LAMC3: variants seen among roughly 807,000 people sequenced by gnomAD.
The protein encoded by LAMC3 is laminin subunit gamma-3.
A neutral mutation model predicts 173.8 loss-of-function variants in LAMC3; 128 were observed. That is an observed-to-expected ratio of 0.74 (90% CI 0.64 to 0.85). The LOEUF (loss-of-function observed/expected upper bound fraction) is 0.85, where lower values mean the gene tolerates loss of function less well. Among genes scored for constraint, LAMC3 ranks in the 40% least tolerant of loss-of-function variants. The pLI, the probability that LAMC3 is intolerant of heterozygous loss-of-function variation, is 0.00. For synonymous variants in LAMC3, 897 were observed against 909.1 expected (o/e 0.99, Z 0.24); for missense variants, 2,022 against 2,156.0 (o/e 0.94, Z 1.23).
chr9:131,010,152 CAAAAAAA>C (rs35239233), intron 1 of LAMC3, among the ~76,000 whole-genome samples: 3 of 39,608 alleles, frequency 7.6e-5, no homozygotes, highest in Middle Eastern at 0.013. Flanking sequence ...AACTCCGTCT[CAAAAAAA>C]AAAAAAAAAA....
At chr9:131,013,368 A>C (rs1833458803) in intron 1 of LAMC3, among the ~76,000 whole-genome samples, 1 of 151,918 alleles carries the variant, frequency 6.6e-6, no homozygotes, top group South Asian at 2.1e-4. Context: ...ATCGCTGAGA[A>C]TCTCCTGGAA....
intron 25 of LAMC3, among the ~76,000 whole-genome samples, chr9:131,086,217 TA>T: frequency 6.6e-6 from 1 of 151,974 alleles, no homozygotes; most frequent in East Asian, 1.9e-4. Flanking sequence ...TGGCTGGGAT[TA>T]TAGGCGTGCT....
rs912492078 is a variant in LAMC3, at chr9:131,070,713, A to G, written c.3070-771A>G. On this transcript the variant is annotated intron_variant, in intron 17 of 27. Transcript: ENST00000361069. ...TGGGTGACAGAGCAAGACTCTGTCT[A>G]AAAAAAAAAAGATGCATGCTGTGCT... is the stretch of plus-strand genomic sequence containing the variant. Among the ~76,000 whole-genome samples, 15 of 146,176 alleles carry G rather than the reference A, an allele frequency of 1.0e-4. 1 individual carries two copies. Among genetic ancestry groups the G allele is most frequent in the Admixed American group, 8.9e-4 (13 of 14,564 alleles).
intron 10 of LAMC3, 49 bp from the exon 11 acceptor site, chr9:131,052,801 A>AC (rs761415180): frequency 3.5e-5 from 26 of 747,738 alleles, no homozygotes; most frequent in Middle Eastern, 2.5e-4. Context: ...CAGGCATGGT[A>AC]CCCCCCCACC....
Position 131,069,773 on chromosome 9 carries a change from C to G in LAMC3, c.2992C>G (p.His998Asp), listed in dbSNP as rs1830008802. 1 of 1,595,960 alleles carries G rather than the reference C, an allele frequency of 6.3e-7. No individual in the cohort carries two copies. The highest frequency in any genetic ancestry group is 8.5e-7 in the Non-Finnish European group (1 of 1,171,564). Residue 998 changes from histidine (H) to aspartate (D), a missense_variant, in exon 17 of 28, where the codon CAC (histidine) becomes GAC (aspartate). Physicochemically the swap from His to Asp is moderately conservative, Grantham distance 81 (BLOSUM62 -1). Transcript: ENST00000361069. ...CGAGGGCTACAAATGTGACCGCTGC[C>G]ACGACAACTTCTTCCTCACGGCAGA... is the stretch of plus-strand genomic sequence containing the variant. ...GFEGYKCDRC[H>D]DNFFLTADGT...
rs558408142 is a variant in LAMC3, at chr9:131,030,987, A to G, written c.679-1058A>G. ...ATCCAGGCCTGCAAACTCAAGCACA[A>G]GCTTAGCTTGGTGCAGAGGCTCCCA... On this transcript the variant is annotated intron_variant, in intron 2 of 27. Coordinates refer to ENST00000361069, the MANE Select transcript of LAMC3 (RefSeq NM_006059.4). 4.6e-5 allele frequency among the ~76,000 whole-genome samples: 7 copies of G among 152,346 alleles called. No homozygotes were observed. The East Asian group carries it at 1.4e-3, about 29-fold the overall frequency.
rs1311114686 is a variant in LAMC3, at chr9:131,024,085, C to G, written c.374-2200C>G. Among the ~76,000 whole-genome samples the G allele has an allele frequency of 2.0e-5, 3 of 150,112 alleles. No homozygotes were observed. In the South Asian group the frequency reaches 6.3e-4, roughly 31 times the overall value. ...GCTTTTCGTGTCATTTCTAAGAAGG[C>G]TCTTCTAGTGCAAAGTCCCAAATAT... On this transcript the variant is annotated intron_variant, in intron 1 of 27. Transcript: ENST00000361069.
chr9:131,034,939 ATTAT>A (rs61062373), intron 3 of LAMC3, among the ~76,000 whole-genome samples: 25 of 150,572 alleles, frequency 1.7e-4, no homozygotes, highest in Non-Finnish European at 3.0e-4. Flanking sequence ...ACCTGAGATG[ATTAT>A]TTATTTATTT....
chr9:131,046,516 G>GTTTTGTTTTTTTTTTTTTTTT (rs1443313320), intron 8 of LAMC3, among the ~76,000 whole-genome samples: 1 of 38,756 alleles, frequency 2.6e-5, no homozygotes, highest in Non-Finnish European at 5.5e-5. Context: ...GCTAATTTTT[G>GTTTTGTTTTTTTTTTTTTTTT]TATTTTTTTT....
chr9:131,039,356 C>T, intron 6 of LAMC3, 108 bp downstream of exon 6: 2 of 900,346 alleles, frequency 2.2e-6, no homozygotes, highest in African/African-American at 3.2e-5. Flanking sequence ...CTGTCTGCAG[C>T]TACCTCGCCC....
intron 20 of LAMC3, among the ~76,000 whole-genome samples, 197 bp downstream of exon 20, chr9:131,073,518 G>A (rs370569427): frequency 3.2e-4 from 48 of 152,322 alleles, no homozygotes; most frequent in African/African-American, 9.6e-4. Flanking sequence ...GCAAAGCTTG[G>A]TGGACTGAAG....
At position 131,052,511 on chromosome 9, in the gene LAMC3, C is replaced by T. The variant is rs746756940; in HGVS notation, c.1651C>T (p.Arg551Trp). Residue 551 changes from arginine (R) to tryptophan (W), a missense_variant, in exon 10 of 28, where the codon CGG becomes TGG. Physicochemically the swap from Arg to Trp is moderately radical, Grantham distance 101. Transcript: ENST00000361069. ...TAPEKFLGDQRFSYGQPLILT... is the reference protein window; with the variant it reads ...TAPEKFLGDQWFSYGQPLILT... The stretch of plus-strand genomic sequence containing the variant: ...TTCAGAGAAGTTCCTGGGAGACCAG[C>T]GGTTCAGCTATGGGCAGCCCCTCAT... 2.2e-5 allele frequency: 36 copies of T among 1,613,974 alleles called. No individual in the cohort carries two copies. Among genetic ancestry groups the T allele is most frequent in the African/African-American group, 5.3e-5 (4 of 74,938 alleles).
At chr9:131,061,655 A>G (rs1829827069) in intron 13 of LAMC3, among the ~76,000 whole-genome samples, 1 of 152,102 alleles carries the variant, frequency 6.6e-6, no homozygotes, top group African/African-American at 2.4e-5. Context: ...GGCTCCTTGT[A>G]TTCTTTCCTG....
Position 131,067,131 on chromosome 9 carries a change from G to A in LAMC3, c.2519G>A (p.Gly840Asp). Residue 840 changes from glycine to aspartate, a missense_variant, in exon 14 of 28, where the codon GGT becomes GAT. Gly to Asp is a moderately conservative substitution (Grantham distance 94). Transcript: ENST00000361069. ...HCLRCLHNTT[G>D]DHCEHCQEGF... is the part of the protein sequence containing the mutation. ...CTGCGCTGCCTGCACAACACCACGGGTGACCACTGTGAGCACTGTCAGGAA... is the reference window on the plus strand; with the variant it reads ...CTGCGCTGCCTGCACAACACCACGGATGACCACTGTGAGCACTGTCAGGAA... 6.2e-7 allele frequency: 1 copy of A among 1,614,192 alleles called. No individual in the cohort carries two copies. Among genetic ancestry groups the A allele is most frequent in the Non-Finnish European group, 8.5e-7 (1 of 1,180,032 alleles).
At chr9:131,036,417 G>A (rs1833946641) in intron 4 of LAMC3, 85 bp downstream of exon 4, 4 of 1,519,764 alleles carry the variant, frequency 2.6e-6, no homozygotes, top group Admixed American at 1.8e-5. Context: ...CGTCGTGGTG[G>A]GGGCTGCTCC....
Position 131,041,666 on chromosome 9 carries a change from T to C in LAMC3, c.1313T>C (p.Leu438Pro). The change falls in exon 7 of 28, where the codon CTG (leucine) becomes CCG (proline). Residue 438 changes from leucine (L) to proline (P), a missense_variant. Coordinates refer to ENST00000361069, the MANE Select transcript of LAMC3 (RefSeq NM_006059.4). ...RPCTCNPAGS[L>P]DTCDPRSGRC... ...TGCACTTGCAATCCCGCTGGCAGCC[T>C]GGACACCTGTGACCCCCGCAGTGGG... The C allele has an allele frequency of 1.2e-6, 2 of 1,614,124 alleles. No individual in the cohort carries two copies. Among genetic ancestry groups the C allele is most frequent in the Non-Finnish European group, 1.7e-6 (2 of 1,180,026 alleles).
chr9:131,066,383 A>G (rs1292272269), intron 13 of LAMC3, among the ~76,000 whole-genome samples: 3 of 146,752 alleles, frequency 2.0e-5, no homozygotes, highest in Non-Finnish European at 1.5e-5. Flanking sequence ...CCCATCTACT[A>G]GGGAGGCTGA....
chr9:131,012,076 C>T (rs1833425430), intron 1 of LAMC3, among the ~76,000 whole-genome samples: 1 of 151,798 alleles, frequency 6.6e-6, no homozygotes, highest in African/African-American at 2.4e-5. Context: ...CACACACACA[C>T]ACACACACAC....
At chr9:131,024,693 C>G (rs1833687594) in intron 1 of LAMC3, among the ~76,000 whole-genome samples, 1 of 152,206 alleles carries the variant, frequency 6.6e-6, no homozygotes, top group Non-Finnish European at 1.5e-5. Flanking sequence ...GGCCGTTCTT[C>G]CCTTCATTCA....
Sources: gnomAD v4.1 joint callset for allele counts (sites outside exome capture counted in the v4.1 genomes callset) on GRCh38, gnomAD v4.1.1 for gene constraint, MANE v1.5 for transcripts, NCBI Gene and HGNC (gene_info 2026-07-23, HGNC 2026-07-21) for gene names.